Variants in CLMP observed in about 807,000 individuals in gnomAD.
The protein encoded by CLMP is CXADR like cell adhesion molecule, also known as CXADR-like membrane protein.
CLMP carries 27 observed loss-of-function variants against 45.2 expected under a neutral mutation model. The ratio of observed to expected loss-of-function variants is 0.60; its 90% CI spans 0.44 to 0.82. The LOEUF (loss-of-function observed/expected upper bound fraction) is 0.82. Among genes scored for constraint, CLMP ranks in the 40% least tolerant of loss-of-function variants. The pLI is 0.00. For synonymous variants in CLMP, 167 were observed against 171.4 expected, an observed-to-expected ratio of 0.97 and a Z score of 0.20; for missense variants, 403 against 448.4, an observed-to-expected ratio of 0.90 and a Z score of 0.91.
intron 1 of CLMP, among the ~76,000 whole-genome samples, chr11:123,107,880 C>T (rs1400779940): frequency 6.6e-6 from 1 of 151,940 alleles, no homozygotes; most frequent in East Asian, 1.9e-4. Context: ...GTGCACATCT[C>T]CTAAAAATAA....
intron 2 of CLMP, among the ~76,000 whole-genome samples, chr11:123,094,275 T>G (rs1249081734): frequency 6.6e-6 from 1 of 152,144 alleles, no homozygotes; most frequent in Non-Finnish European, 1.5e-5. Flanking sequence ...CCCAGCTAAT[T>G]TTTGTAATTT....
intron 1 of CLMP, among the ~76,000 whole-genome samples, chr11:123,111,491 G>T (rs1860637839): frequency 6.6e-6 from 1 of 152,146 alleles, no homozygotes; most frequent in Non-Finnish European, 1.5e-5. Flanking sequence ...TTTCAAGATT[G>T]TTGAAGCGCT....
chr11:123,074,603 C>G (rs1171401915), intron 6 of CLMP, 99 bp downstream of exon 6: 1 of 1,239,544 alleles, frequency 8.1e-7, no homozygotes, highest in African/African-American at 1.5e-5. Flanking sequence ...TTAACAGATT[C>G]ATGGTTAAGA....
intron 1 of CLMP, among the ~76,000 whole-genome samples, chr11:123,173,599 A>G (rs1861663057): frequency 6.6e-6 from 1 of 152,182 alleles, no homozygotes; most frequent in Non-Finnish European, 1.5e-5. Context: ...GGTATATACT[A>G]GTTTGTGACT....
At chr11:123,138,382 A>G (rs1861106905) in intron 1 of CLMP, among the ~76,000 whole-genome samples, 1 of 151,900 alleles carries the variant, frequency 6.6e-6, no homozygotes, top group South Asian at 2.1e-4. Context: ...TCTGGTGCTT[A>G]TGTGTATGTG....
intron 1 of CLMP, among the ~76,000 whole-genome samples, chr11:123,125,842 G>A: frequency 6.6e-6 from 1 of 151,876 alleles, no homozygotes; most frequent in Non-Finnish European, 1.5e-5. Context: ...CTGACCTCAT[G>A]TGATCTGCCC....
At chr11:123,074,935 A>T in intron 5 of CLMP, 92 bp from the exon 6 acceptor site, 1 of 1,365,318 alleles carries the variant, frequency 7.3e-7, no homozygotes, top group Non-Finnish European at 9.9e-7. Context: ...GGACAGAATG[A>T]GTATTTGCAG....
intron 1 of CLMP, among the ~76,000 whole-genome samples, chr11:123,105,488 T>C (rs889697880): frequency 6.6e-6 from 1 of 151,666 alleles, no homozygotes; most frequent in Non-Finnish European, 1.5e-5. Context: ...TGGAGTGCAG[T>C]GGCACAATCT....
chr11:123,132,554 G>T (rs1861005848), intron 1 of CLMP, among the ~76,000 whole-genome samples: 1 of 152,024 alleles, frequency 6.6e-6, no homozygotes, highest in South Asian at 2.1e-4. Context: ...CGCCTCTTGG[G>T]TTCAAGTGAT....
intron 1 of CLMP, among the ~76,000 whole-genome samples, chr11:123,161,250 C>T (rs970825692): frequency 6.6e-6 from 1 of 152,162 alleles, no homozygotes; most frequent in Non-Finnish European, 1.5e-5. Flanking sequence ...CTATTTGAGA[C>T]TGTAGAACTG....
At chr11:123,149,968 C>T (rs534483402) in intron 1 of CLMP, among the ~76,000 whole-genome samples, 2 of 151,866 alleles carry the variant, frequency 1.3e-5, no homozygotes, top group South Asian at 4.2e-4. Flanking sequence ...CCATGCCTGG[C>T]TAATTTTTGT....
At chr11:123,157,320 C>G (rs1051950135) in intron 1 of CLMP, among the ~76,000 whole-genome samples, 1 of 151,916 alleles carries the variant, frequency 6.6e-6, no homozygotes, top group Non-Finnish European at 1.5e-5. Flanking sequence ...TTTGGGAGGT[C>G]GAGGTGGGTG....
At chr11:123,175,101 G>C (rs1861680742) in intron 1 of CLMP, among the ~76,000 whole-genome samples, 1 of 152,246 alleles carries the variant, frequency 6.6e-6, no homozygotes, top group Non-Finnish European at 1.5e-5. Flanking sequence ...CTGTGGGCCT[G>C]CACCACCATG....
At chr11:123,078,222 C>G (rs1591448460) in intron 5 of CLMP, among the ~76,000 whole-genome samples, 1 of 152,076 alleles carries the variant, frequency 6.6e-6, no homozygotes, top group Middle Eastern at 3.4e-3. Context: ...AATTTTGCAT[C>G]TGAAATAAAA....
chr11:123,155,607 AC>A (rs1263042025), intron 1 of CLMP, among the ~76,000 whole-genome samples: 1 of 152,212 alleles, frequency 6.6e-6, no homozygotes, highest in African/African-American at 2.4e-5. Flanking sequence ...TTCCAGGTCT[AC>A]TGGTTTTCAA....
intron 1 of CLMP, among the ~76,000 whole-genome samples, chr11:123,100,485 T>C (rs1866043129): frequency 6.6e-6 from 1 of 152,056 alleles, no homozygotes. Context: ...TGTGTTTTAT[T>C]TGGGGGTGAG....
intron 1 of CLMP, among the ~76,000 whole-genome samples, chr11:123,138,220 T>A (rs555390605): frequency 6.6e-6 from 1 of 152,268 alleles, no homozygotes; most frequent in East Asian, 1.9e-4. Context: ...TTTAAAACTT[T>A]AAAAAGTTAC....
At chr11:123,161,136 G>A (rs1212704476) in intron 1 of CLMP, among the ~76,000 whole-genome samples, 2 of 152,212 alleles carry the variant, frequency 1.3e-5, no homozygotes, top group Admixed American at 6.5e-5. Context: ...TGTACCAGGT[G>A]CCTACTACGT....
At chr11:123,162,749 A>G (rs1861503493) in intron 1 of CLMP, among the ~76,000 whole-genome samples, 1 of 151,886 alleles carries the variant, frequency 6.6e-6, no homozygotes. Flanking sequence ...AAATACAAAA[A>G]AAAGCAGCCA....
Sources: allele counts gnomAD v4.1 joint callset (sites outside exome capture counted in the v4.1 genomes callset), GRCh38; gene constraint gnomAD v4.1.1; transcripts MANE v1.5; gene names NCBI Gene and HGNC (gene_info 2026-07-23, HGNC 2026-07-21).